The following EHD3 variants were observed in gnomAD, a reference collection of about 807,000 sequenced individuals.
EHD3 encodes the protein EH domain containing 3.
Under a neutral mutation model 43.0 loss-of-function variants are expected in EHD3, and 17 were observed. The ratio of observed to expected loss-of-function variants is 0.40; its 90% confidence interval spans 0.27 to 0.59. The LOEUF is 0.59. EHD3 is among the 20% of genes least tolerant of loss of function. The pLI, the probability that EHD3 is intolerant of heterozygous loss-of-function variation, is 0.49. For missense variants in EHD3, 594 were observed against 705.6 expected, an observed-to-expected ratio of 0.84 and a Z score of 1.79; for synonymous variants, 313 against 289.5, an observed-to-expected ratio of 1.08 and a Z score of -0.82.
chr2:31,242,330 T>C lies in EHD3; in HGVS notation c.228-1944T>C, dbSNP rs187395687. On this transcript the variant is annotated intron_variant, in intron 1 of 5. Transcript: ENST00000322054. ...TGCACACGTTGTGGGGAGGGGTGTG[T>C]GTGTGGGTGTTGGGTACAGAAGGAA... 1.5e-4 allele frequency among the ~76,000 whole-genome samples: 23 copies of C among 151,066 alleles called. No homozygotes were observed. The East Asian group carries it at 4.3e-3, about 28-fold the overall frequency.
intron 3 of EHD3, among the ~76,000 whole-genome samples, chr2:31,257,844 A>G (rs1683781111): frequency 6.6e-6 from 1 of 152,116 alleles, no homozygotes; most frequent in Non-Finnish European, 1.5e-5. Flanking sequence ...CCGAGACAGG[A>G]CACCTGTGTT....
chr2:31,266,433 C>T lies in EHD3; in HGVS notation c.1337C>T (p.Pro446Leu). 1 of 1,613,800 alleles carries T rather than the reference C, an allele frequency of 6.2e-7. No homozygotes were observed. The change falls in exon 6 of 6, where the codon CCC (proline) becomes CTC (leucine). Residue 446 changes from proline to leucine, a missense_variant. This residue lies in a region of EHD3 where 322 missense variants were observed against 348.0 expected (regional missense o/e 0.93). Coordinates refer to ENST00000322054, the MANE Select transcript of EHD3 (RefSeq NM_014600.3). This position sits in a 1 kb window ranked among gnomAD's most constrained non-coding sequence, Gnocchi z 5.1. ...GAGTGGGTGGTGGCCAGGGACAAGC[C>T]CATGTACGACGAGATCTTCTACACC... is the stretch of plus-strand genomic sequence containing the variant. ...DAEWVVARDK[P>L]MYDEIFYTLS... is the part of the protein sequence containing the mutation.
rs746464253 is a variant in EHD3, at chr2:31,260,965, C to G, written c.915+43C>G. 1 of 1,550,176 alleles carries G rather than the reference C, an allele frequency of 6.5e-7. No individual in the cohort carries two copies. Among genetic ancestry groups the G allele is most frequent in the Non-Finnish European group, 8.7e-7 (1 of 1,151,932 alleles). On this transcript the variant is annotated intron_variant, in intron 4 of 5. Coordinates refer to ENST00000322054, the MANE Select transcript of EHD3 (RefSeq NM_014600.3). The surrounding 1 kb of genome is among the most constrained non-coding windows in gnomAD (Gnocchi z 4.6). ...GAGGTGGGCAGCTTGGGCAGGGGCCCAGAGTTTGGGGTCAGCTGCACGAGC... is the reference window on the plus strand; with the variant it reads ...GAGGTGGGCAGCTTGGGCAGGGGCCGAGAGTTTGGGGTCAGCTGCACGAGC...
intron 5 of EHD3, among the ~76,000 whole-genome samples, chr2:31,264,416 C>A (rs572137486): frequency 6.6e-6 from 1 of 152,064 alleles, no homozygotes; most frequent in African/African-American, 2.4e-5. Flanking sequence ...AGGCCTAGGA[C>A]ATCACTGTAC....
chr2:31,236,465 T>C (rs890269143), intron 1 of EHD3, among the ~76,000 whole-genome samples: 8 of 152,242 alleles, frequency 5.3e-5, no homozygotes, highest in Non-Finnish European at 1.2e-4. Context: ...TGGGAACCCC[T>C]GATCTAAGCC....
At chr2:31,237,999 T>G (rs1360450691) in intron 1 of EHD3, among the ~76,000 whole-genome samples, 2 of 150,374 alleles carry the variant, frequency 1.3e-5, no homozygotes, top group African/African-American at 2.5e-5. Flanking sequence ...GTGTTTTTTT[T>G]GTTTGTTTTT....
At chr2:31,254,290 G>A (rs551990276) in intron 3 of EHD3, among the ~76,000 whole-genome samples, 2 of 152,314 alleles carry the variant, frequency 1.3e-5, no homozygotes, top group East Asian at 1.9e-4. Flanking sequence ...GACCTTGGCA[G>A]GTCTGGGCTG....
chr2:31,261,551 C>G lies in EHD3; in HGVS notation c.918C>G (p.Val306=), dbSNP rs746546961. 1 of 1,614,094 alleles carries G rather than the reference C, an allele frequency of 6.2e-7. No homozygotes were observed. Among genetic ancestry groups the G allele is most frequent in the Non-Finnish European group, 8.5e-7 (1 of 1,179,978 alleles). Residue 306 remains valine (V), a splice_region_variant and synonymous_variant, in exon 5 of 6, where the codon GTC becomes GTG. Coordinates refer to ENST00000322054, the MANE Select transcript of EHD3 (RefSeq NM_014600.3). ...TTCTCTCTGGCCCTGTTTGTCAGGT[C>G]CACGCCTACATCATCAGCTCTCTGA... The part of the protein sequence containing the change: ...DLIKRARLAK[V]HAYIISSLKK...
chr2:31,255,775 T>C lies in EHD3; in HGVS notation c.503-4735T>C, dbSNP rs561941162. Among the ~76,000 whole-genome samples the C allele has an allele frequency of 7.9e-5, 12 of 152,288 alleles. No individual in the cohort carries two copies. In the South Asian group the frequency reaches 2.3e-3, roughly 29 times the overall value. Reference sequence around the variant, plus strand: ...GCTTCTGGCATTACTGAGTCTGTAATTGGATAGCAGCTTTCCAGAGCAAAT... The same window carrying C: ...GCTTCTGGCATTACTGAGTCTGTAACTGGATAGCAGCTTTCCAGAGCAAAT... On this transcript the variant is annotated intron_variant, in intron 3 of 5. Coordinates refer to ENST00000322054, the MANE Select transcript of EHD3 (RefSeq NM_014600.3).
chr2:31,246,369 T>C (rs150818396), intron 2 of EHD3, among the ~76,000 whole-genome samples: 7 of 152,008 alleles, frequency 4.6e-5, no homozygotes, highest in East Asian at 3.9e-4. Flanking sequence ...TTTGGACACA[T>C]TGAGTTTGCA....
intron 5 of EHD3, among the ~76,000 whole-genome samples, chr2:31,262,767 T>G (rs1156553730): frequency 6.6e-6 from 1 of 152,130 alleles, no homozygotes; most frequent in African/African-American, 2.4e-5. Context: ...ACAAAAAAAT[T>G]AACTGGGCAT....
chr2:31,241,674 C>T (rs926660699), intron 1 of EHD3, among the ~76,000 whole-genome samples: 2 of 152,184 alleles, frequency 1.3e-5, no homozygotes, highest in Non-Finnish European at 2.9e-5. Flanking sequence ...AACGATTACC[C>T]GCCATGTTAT....
In EHD3 at chr2:31,268,045, T is replaced by A. The variant is rs916935125; in HGVS notation, c.*1341T>A. The A allele has an allele frequency of 6.6e-6, 1 of 152,616 alleles. No homozygotes were observed. The highest frequency in any genetic ancestry group is 6.5e-5 in the Admixed American group (1 of 15,270). 9.5% of individuals were successfully genotyped at this position (152,616 alleles called of 1,614,324 possible). On this transcript the variant is annotated 3_prime_UTR_variant, in exon 6 of 6. Coordinates refer to ENST00000322054, the MANE Select transcript of EHD3 (RefSeq NM_014600.3). The stretch of plus-strand genomic sequence containing the variant: ...CATCCCAGCTCAGATGCAGCCACTG[T>A]CTCTTGTCAAGTGGGACCTCATACT...
rs557091587 is a variant in EHD3 at position 31,260,055 on chromosome 2, G to A, written c.503-455G>A. Among the ~76,000 whole-genome samples, 12 of 152,266 alleles carry A rather than the reference G, an allele frequency of 7.9e-5. No homozygotes were observed. Among genetic ancestry groups the A allele is most frequent in the Middle Eastern group, 6.8e-3 (2 of 294 alleles). ...GTCTCTACTAAAAACACAAAAATTA[G>A]ACGGGCATGGTGGCGCATGCCTGTA... On this transcript the variant is annotated intron_variant, in intron 3 of 5. Coordinates refer to ENST00000322054, the MANE Select transcript of EHD3 (RefSeq NM_014600.3). This position sits in a 1 kb window ranked among gnomAD's most constrained non-coding sequence, Gnocchi z 4.6.
Position 31,261,537 on chromosome 2 carries a change from C to T in EHD3, c.916-12C>T, listed in dbSNP as rs539823334. On this transcript the variant is annotated splice_polypyrimidine_tract_variant and intron_variant, in intron 4 of 5. Transcript: ENST00000322054. ...CTTGATGTGAAGGCTTCTCTCTGGC[C>T]CTGTTTGTCAGGTCCACGCCTACAT... The T allele has an allele frequency of 1.2e-6, 2 of 1,613,932 alleles. No homozygotes were observed. Among genetic ancestry groups the T allele is most frequent in the South Asian group, 2.2e-5 (2 of 91,054 alleles).
intron 2 of EHD3, 84 bp from the exon 3 acceptor site, chr2:31,249,287 A>AGAGACAAGACAGGTGGTTGGAGTCAT: frequency 8.0e-7 from 1 of 1,249,184 alleles, no homozygotes; most frequent in African/African-American, 1.5e-5. Context: ...CTCACCTGAG[A>AGAGACAAGACAGGTGGTTGGAGTCAT]GAGACAAGAC....
chr2:31,245,547 ATATATATTTTTTTTTTTT>A (rs1272196452), intron 2 of EHD3, among the ~76,000 whole-genome samples: 2 of 83,172 alleles, frequency 2.4e-5, no homozygotes, highest in African/African-American at 6.2e-5. Context: ...ATATATATAT[ATATATATTTTTTTTTTTT>A]TTTTTTTTTT....
chr2:31,253,964 C>T (rs1683689652), intron 3 of EHD3, among the ~76,000 whole-genome samples: 1 of 152,156 alleles, frequency 6.6e-6, no homozygotes, highest in African/African-American at 2.4e-5. Flanking sequence ...TTAGGAACCA[C>T]ATTTCCTGGC....
chr2:31,254,990 G>A (rs373639643), intron 3 of EHD3, among the ~76,000 whole-genome samples: 2 of 152,224 alleles, frequency 1.3e-5, no homozygotes, highest in African/African-American at 2.4e-5. Flanking sequence ...GGAAGCCGGC[G>A]GGTGAGGAAG....
Sources: gnomAD v4.1 joint callset for allele counts (sites outside exome capture counted in the v4.1 genomes callset) on GRCh38, gnomAD v4.1.1 for gene constraint, gnomAD v4.1.1 regional missense constraint, Gnocchi (gnomAD v3.1) non-coding constraint, MANE v1.5 for transcripts, NCBI Gene and HGNC (gene_info 2026-07-23, HGNC 2026-07-21) for gene names.